GPC5: variants seen among roughly 807,000 people sequenced by gnomAD.
GPC5 encodes the protein glypican 5, also known as glypican-5.
In GPC5, 47 loss-of-function variants were observed where a neutral mutation model predicts 53.9. The observed-to-expected ratio is 0.87, with a 90% confidence interval of 0.69 to 1.11. The LOEUF (loss-of-function observed/expected upper bound fraction) is 1.11. Among genes scored for constraint, GPC5 ranks in the 50% most tolerant of loss-of-function variants. The pLI is 0.00. For synonymous variants in GPC5, 286 were observed against 263.3 expected, an observed-to-expected ratio of 1.09 and a Z score of -0.84; for missense variants, 748 against 713.1, an observed-to-expected ratio of 1.05 and a Z score of -0.56.
intron 7 of GPC5, among the ~76,000 whole-genome samples, chr13:92,694,490 T>A (rs1887503429): frequency 1.3e-5 from 2 of 152,172 alleles, no homozygotes; most frequent in South Asian, 4.1e-4. Context: ...AGACATAGAC[T>A]CAAAGGAGAT....
chr13:92,404,597 C>T (rs752554615), intron 7 of GPC5, among the ~76,000 whole-genome samples: 2 of 131,276 alleles, frequency 1.5e-5, no homozygotes, highest in African/African-American at 2.9e-5. Context: ...AACAAATATT[C>T]GGTTAATAAA....
At chr13:91,779,853 T>C (rs1487887238) in intron 5 of GPC5, among the ~76,000 whole-genome samples, 1 of 151,944 alleles carries the variant, frequency 6.6e-6, no homozygotes, top group Non-Finnish European at 1.5e-5. Flanking sequence ...CTGGAATACC[T>C]CCTTAAGGAC....
At chr13:92,659,962 A>C (rs1033212191) in intron 7 of GPC5, among the ~76,000 whole-genome samples, 1 of 152,202 alleles carries the variant, frequency 6.6e-6, no homozygotes, top group Non-Finnish European at 1.5e-5. Context: ...CCAAGGAGCC[A>C]CTGCTTGTAT....
intron 6 of GPC5, among the ~76,000 whole-genome samples, chr13:92,016,037 C>G (rs2040703881): frequency 6.6e-6 from 1 of 151,718 alleles, no homozygotes; most frequent in South Asian, 2.1e-4. Flanking sequence ...AGTTTTTATT[C>G]TGATACACAT....
chr13:92,259,576 G>A (rs1208397339), intron 7 of GPC5, among the ~76,000 whole-genome samples: 4 of 152,070 alleles, frequency 2.6e-5, no homozygotes, highest in Non-Finnish European at 4.4e-5. Flanking sequence ...GCCTTGCCTT[G>A]CACTTTGACT....
intron 7 of GPC5, among the ~76,000 whole-genome samples, chr13:92,412,159 A>T (rs557806712): frequency 2.4e-4 from 36 of 152,342 alleles, no homozygotes; most frequent in African/African-American, 8.2e-4. Flanking sequence ...AGAATAGTTG[A>T]AAAAACTCTT....
intron 7 of GPC5, among the ~76,000 whole-genome samples, chr13:92,516,180 A>T: frequency 6.6e-6 from 1 of 152,198 alleles, no homozygotes; most frequent in Middle Eastern, 3.4e-3. Context: ...TTTTAAATAT[A>T]CATTAATTAT....
intron 7 of GPC5, among the ~76,000 whole-genome samples, chr13:92,857,138 G>C (rs1026417595): frequency 2.6e-5 from 4 of 151,948 alleles, no homozygotes; most frequent in Non-Finnish European, 2.9e-5. Context: ...AAATGGAACA[G>C]AATAGATAAT....
At chr13:92,697,242 A>G (rs772345013) in intron 7 of GPC5, among the ~76,000 whole-genome samples, 20 of 152,088 alleles carry the variant, frequency 1.3e-4, no homozygotes, top group Non-Finnish European at 2.5e-4. Context: ...AAGAAAGTCA[A>G]TGGTAGTTTG....
chr13:91,647,292 C>T (rs1331620575), intron 2 of GPC5, among the ~76,000 whole-genome samples: 1 of 152,196 alleles, frequency 6.6e-6, no homozygotes, highest in Non-Finnish European at 1.5e-5. Context: ...TAGGTTAGCA[C>T]TGTCATCGAC....
At chr13:92,554,742 TTAA>T (rs1169465203) in intron 7 of GPC5, among the ~76,000 whole-genome samples, 1 of 151,016 alleles carries the variant, frequency 6.6e-6, no homozygotes, top group Non-Finnish European at 1.5e-5. Context: ...TAAAATTTTA[TTAA>T]TATGTATTTG....
At chr13:91,700,690 A>C (rs2035973785) in intron 3 of GPC5, among the ~76,000 whole-genome samples, 1 of 152,216 alleles carries the variant, frequency 6.6e-6, no homozygotes, top group Non-Finnish European at 1.5e-5. Context: ...TTTTCTTGAC[A>C]TCTTCTTCTT....
chr13:92,422,944 C>A (rs976425259), intron 7 of GPC5, among the ~76,000 whole-genome samples: 1 of 152,222 alleles, frequency 6.6e-6, no homozygotes, highest in Admixed American at 6.5e-5. Context: ...TTCCTTCAGG[C>A]TGTTTTAACA....
chr13:91,481,036 G>C (rs1046413719), intron 2 of GPC5, among the ~76,000 whole-genome samples: 23 of 151,948 alleles, frequency 1.5e-4, no homozygotes, highest in African/African-American at 5.6e-4. Flanking sequence ...ATGGGCCGTG[G>C]TGCATGATGG....
At chr13:92,316,476 T>C (rs1343908863) in intron 7 of GPC5, among the ~76,000 whole-genome samples, 1 of 152,112 alleles carries the variant, frequency 6.6e-6, no homozygotes, top group Non-Finnish European at 1.5e-5. Context: ...TTTTTTGCCA[T>C]GAAATGATAG....
At chr13:91,500,640 T>G (rs1884571251) in intron 2 of GPC5, among the ~76,000 whole-genome samples, 1 of 152,178 alleles carries the variant, frequency 6.6e-6, no homozygotes, top group Admixed American at 6.5e-5. Context: ...TCCTGGAGAT[T>G]TTATTTATTT....
At chr13:91,512,660 T>C (rs1885296014) in intron 2 of GPC5, among the ~76,000 whole-genome samples, 1 of 152,290 alleles carries the variant, frequency 6.6e-6, no homozygotes, top group South Asian at 2.1e-4. Context: ...CTCCTCAGTA[T>C]GGTAATCTCT....
chr13:92,445,184 C>T (rs554329443), intron 7 of GPC5, among the ~76,000 whole-genome samples: 3 of 148,882 alleles, frequency 2.0e-5, no homozygotes, highest in Admixed American at 1.3e-4. Flanking sequence ...CCTTTTCTTT[C>T]CTTGCTCCTT....
At chr13:92,501,881 AT>A (rs1307045669) in intron 7 of GPC5, among the ~76,000 whole-genome samples, 1 of 152,118 alleles carries the variant, frequency 6.6e-6, no homozygotes, top group Non-Finnish European at 1.5e-5. Context: ...TAAACATAAA[AT>A]AATAGTGTTC....
Sources: gnomAD v4.1 joint callset for allele counts (sites outside exome capture counted in the v4.1 genomes callset) on GRCh38, gnomAD v4.1.1 for gene constraint, MANE v1.5 for transcripts, NCBI Gene and HGNC (gene_info 2026-07-23, HGNC 2026-07-21) for gene names.